DAB1: variants seen among roughly 807,000 people sequenced by gnomAD.
DAB1 encodes the protein disabled homolog 1.
DAB1 carries 15 observed loss-of-function variants against 64.6 expected under a neutral mutation model. The ratio of observed to expected loss-of-function variants is 0.23; its 90% confidence interval spans 0.16 to 0.36. The LOEUF (loss-of-function observed/expected upper bound fraction) is 0.36. Among genes scored for constraint, DAB1 ranks in the 10% least tolerant of loss-of-function variants. The pLI is 1.00. For synonymous variants in DAB1, 235 were observed against 251.9 expected, an observed-to-expected ratio of 0.93 and a Z score of 0.64; for missense variants, 596 against 706.7, an observed-to-expected ratio of 0.84 and a Z score of 1.78.
At chr1:57,413,336 G>A (rs1003722198) in intron 1 of DAB1, among the ~76,000 whole-genome samples, 30 of 152,260 alleles carry the variant, frequency 2.0e-4, no homozygotes, top group African/African-American at 7.2e-4. Flanking sequence ...GAGTAATTCT[G>A]ACTTTCAAGT....
intron 5 of DAB1, among the ~76,000 whole-genome samples, chr1:57,936,533 A>G (rs1381249111): frequency 6.6e-6 from 1 of 152,090 alleles, no homozygotes; most frequent in Non-Finnish European, 1.5e-5. Flanking sequence ...CTGGGATTAC[A>G]GGCAGCCGCC....
chr1:57,732,997 T>C (rs1441055106), intron 6 of DAB1, among the ~76,000 whole-genome samples: 2 of 152,332 alleles, frequency 1.3e-5, no homozygotes, highest in East Asian at 1.9e-4. Flanking sequence ...TAGACAGTTC[T>C]GTAGAGAGTA....
chr1:58,381,093 A>G (rs1644384465), intron 3 of DAB1, among the ~76,000 whole-genome samples: 1 of 152,222 alleles, frequency 6.6e-6, no homozygotes, highest in African/African-American at 2.4e-5. Flanking sequence ...GAACTAAATG[A>G]TCAGAGCACA....
At chr1:57,169,835 C>A (rs1477939854) in intron 2 of DAB1, among the ~76,000 whole-genome samples, 1 of 152,022 alleles carries the variant, frequency 6.6e-6, no homozygotes, top group South Asian at 2.1e-4. Flanking sequence ...TCCTACCCTG[C>A]TCCTCAGCCA....
chr1:58,169,879 C>T (rs1004674334), intron 4 of DAB1, among the ~76,000 whole-genome samples: 1 of 152,198 alleles, frequency 6.6e-6, no homozygotes, highest in Non-Finnish European at 1.5e-5. Context: ...GACCCAGGTA[C>T]ATGTCCCCTT....
downstream of DAB1, among the ~76,000 whole-genome samples, chr1:57,825,427 A>ACACG (rs1652301841): frequency 6.6e-6 from 1 of 152,256 alleles, no homozygotes; most frequent in South Asian, 2.1e-4. Flanking sequence ...GAAGGCACAC[A>ACACG]GGGCTATAGT....
intron 5 of DAB1, among the ~76,000 whole-genome samples, chr1:58,136,740 A>T (rs1653968716): frequency 6.6e-6 from 1 of 152,218 alleles, no homozygotes; most frequent in Non-Finnish European, 1.5e-5. Context: ...TATCTAGGTT[A>T]TAAGACCTAT....
intron 5 of DAB1, among the ~76,000 whole-genome samples, chr1:57,931,679 G>A (rs1273406403): frequency 6.6e-6 from 1 of 152,116 alleles, no homozygotes; most frequent in African/African-American, 2.4e-5. Context: ...TAATGTCCAT[G>A]GGATTCTAGT....
intron 3 of DAB1, among the ~76,000 whole-genome samples, chr1:58,350,499 T>C (rs1379586361): frequency 6.6e-6 from 1 of 152,184 alleles, no homozygotes; most frequent in Non-Finnish European, 1.5e-5. Context: ...TTTGTTGCCA[T>C]TGCTTTTGGT....
rs559199475 is a variant in DAB1, at chr1:58,119,212, T to TTG, written n.387+31297_387+31298dup. Reference sequence around the variant, plus strand: ...TCCAAAGAGCTCTGAAAATCAAATATTGTGTGTGTGTGCGTGTGTGTGTGT... The same window carrying TTG: ...TCCAAAGAGCTCTGAAAATCAAATATTGTGTGTGTGTGTGCGTGTGTGTGTGT... On this transcript the variant is annotated intron_variant and non_coding_transcript_variant, in intron 5 of 20. Coordinates refer to the DAB1 transcript ENST00000485760. 4.9e-5 allele frequency among the ~76,000 whole-genome samples: 6 copies of TTG among 122,256 alleles called. No homozygotes were observed. In the South Asian group the frequency reaches 1.1e-3, roughly 23 times the overall value. The allele number at this position is 122,256 out of a possible 152,430, so 80.2% of individuals were successfully genotyped here.
At chr1:57,720,351 G>C (rs1262051727) in intron 6 of DAB1, among the ~76,000 whole-genome samples, 2 of 152,198 alleles carry the variant, frequency 1.3e-5, no homozygotes, top group Admixed American at 6.5e-5. Context: ...TAAGATTACA[G>C]AGGTGGGATG....
At chr1:57,025,903 G>T in intron 10 of DAB1, 78 bp downstream of exon 10, 1 of 1,182,298 alleles carries the variant, frequency 8.5e-7, no homozygotes, top group Non-Finnish European at 1.2e-6. Flanking sequence ...TTCACTCAAA[G>T]CCCATATTCT....
At chr1:57,445,427 A>G (rs376785503) in intron 7 of DAB1, among the ~76,000 whole-genome samples, 2 of 152,168 alleles carry the variant, frequency 1.3e-5, no homozygotes, top group Admixed American at 6.5e-5. Context: ...CCATACCAGC[A>G]TCTACTATGG....
rs1039147443 is a variant in DAB1, at chr1:57,024,295, A to C, written c.787-656T>G. On this transcript the variant is annotated intron_variant, in intron 10 of 14. Transcript: ENST00000371236. The stretch of plus-strand genomic sequence containing the variant: ...CACCACTGAAAATTCTACAGGGCCT[A>C]GTCGGTGCTGGAATTCCAAAAAGGT... 4.6e-5 allele frequency among the ~76,000 whole-genome samples: 7 copies of C among 152,184 alleles called. No homozygotes were observed. In the East Asian group the frequency reaches 1.3e-3, roughly 29 times the overall value.
At chr1:57,518,309 G>C (rs779249093) in intron 7 of DAB1, among the ~76,000 whole-genome samples, 1 of 151,994 alleles carries the variant, frequency 6.6e-6, no homozygotes, top group Non-Finnish European at 1.5e-5. Flanking sequence ...TGCTCACTCT[G>C]TCCTTGCTGG....
chr1:58,520,053 C>G (rs1440286500), intron 2 of DAB1, among the ~76,000 whole-genome samples: 1 of 152,022 alleles, frequency 6.6e-6, no homozygotes, highest in African/African-American at 2.4e-5. Context: ...ATTGACTACA[C>G]ATGGACACAA....
intron 5 of DAB1, among the ~76,000 whole-genome samples, chr1:58,141,450 T>C (rs12045007): frequency 0.017 from 2,517 of 152,184 alleles, 66 homozygotes; most frequent in South Asian, 0.1. Flanking sequence ...TCCCATGATA[T>C]GTGAAGATTA....
rs71043292 is a variant in DAB1 at position 58,541,293 on chromosome 1, CAAAAAAAAAAAAAAAAAA to C, written n.32+5392_32+5409del. Among the ~76,000 whole-genome samples, 86 of 27,540 alleles carry C rather than the reference CAAAAAAAAAAAAAAAAAA, an allele frequency of 3.1e-3. No individual in the cohort carries two copies. The East Asian group carries it at 0.078, about 25-fold the overall frequency. 18.1% of individuals were successfully genotyped at this position (27,540 alleles called of 152,430 possible). On this transcript the variant is annotated intron_variant and non_coding_transcript_variant, in intron 1 of 20. Coordinates refer to the DAB1 transcript ENST00000485760. ...TGGGCAACAGAGTGAGACTCTGTCT[CAAAAAAAAAAAAAAAAAA>C]AAAAAAAAAAAAAAAAAAAAAACAG...
At chr1:58,450,533 T>C (rs1433280500) in intron 3 of DAB1, among the ~76,000 whole-genome samples, 1 of 152,096 alleles carries the variant, frequency 6.6e-6, no homozygotes, top group Non-Finnish European at 1.5e-5. Context: ...GGCGGGCGGA[T>C]CACAAGGTCA....
Sources: gnomAD v4.1 joint callset for allele counts (sites outside exome capture counted in the v4.1 genomes callset) on GRCh38, gnomAD v4.1.1 for gene constraint, MANE v1.5 for transcripts, NCBI Gene and HGNC (gene_info 2026-07-23, HGNC 2026-07-21) for gene names.